MTOR: variants seen among roughly 807,000 people sequenced by gnomAD.
MTOR encodes serine/threonine-protein kinase mTOR.
Under a neutral mutation model 319.8 loss-of-function variants are expected in MTOR, and 70 were observed. The observed-to-expected ratio is 0.22, with a 90% CI of 0.18 to 0.27. MTOR has a LOEUF of 0.27. Among genes scored for constraint, MTOR ranks in the 10% least tolerant of loss-of-function variants. MTOR has a pLI of 1.00. For missense variants in MTOR, 1,890 were observed against 3,274.4 expected (o/e 0.58, Z 10.32); for synonymous variants, 1,183 against 1,211.4 (o/e 0.98, Z 0.49).
rs763691485 is a variant in MTOR, at chr1:11,238,626, A to G, written c.1787-9T>C. The G allele has an allele frequency of 1.2e-6, 2 of 1,600,220 alleles. No individual in the cohort carries two copies. Among genetic ancestry groups the G allele is most frequent in the Non-Finnish European group, 1.7e-6 (2 of 1,169,768 alleles). ...TTGGGTCAGAGAGTGGCCTGGATAG[A>G]AAGGCAGAGAGAAAACAGAATAAAC... On this transcript the variant is annotated splice_polypyrimidine_tract_variant and intron_variant, in intron 11 of 57. Coordinates refer to ENST00000361445, the MANE Select transcript of MTOR (RefSeq NM_004958.4).
intron 28 of MTOR, among the ~76,000 whole-genome samples, chr1:11,198,698 C>T (rs949383961): frequency 2.6e-5 from 4 of 152,138 alleles, no homozygotes; most frequent in South Asian, 2.1e-4. Context: ...ATTTATTAAA[C>T]GAACTATTTT....
chr1:11,248,664 T>C (rs1173653731), intron 6 of MTOR, among the ~76,000 whole-genome samples: 2 of 151,592 alleles, frequency 1.3e-5, no homozygotes. Context: ...ATACAAAAAA[T>C]TAGCTGGGCG....
rs1030042283 is a variant in MTOR, at chr1:11,192,450, C to CA, written c.4253+6807dup. 19 of 1,251,222 alleles carry CA rather than the reference C, an allele frequency of 1.5e-5. No homozygotes were observed. The African/African-American group carries it at 2.8e-4, about 19-fold the overall frequency. The allele number at this position is 1,251,222 out of a possible 1,614,324, so 77.5% of individuals were successfully genotyped here. On this transcript the variant is annotated intron_variant, in intron 28 of 57. Transcript: ENST00000361445. ...AGGGGACTACAACAACAGGGCCATT[C>CA]ACAGTTTAAAGAAAGGAAAATTCGG...
intron 19 of MTOR, among the ~76,000 whole-genome samples, chr1:11,221,179 G>A (rs1312701389): frequency 6.6e-6 from 1 of 151,900 alleles, no homozygotes; most frequent in Non-Finnish European, 1.5e-5. Flanking sequence ...ATTTTTAGTA[G>A]AGACGGGGTT....
At position 11,116,033 on chromosome 1, in the gene MTOR, G is replaced by A. The variant is rs941759137; in HGVS notation, c.7017-565C>T. Among the ~76,000 whole-genome samples the A allele has an allele frequency of 2.6e-4, 40 of 152,172 alleles. 1 individual carries two copies. Among genetic ancestry groups the A allele is most frequent in the Non-Finnish European group, 2.4e-4 (16 of 68,038 alleles). On this transcript the variant is annotated intron_variant, in intron 50 of 57. Coordinates refer to ENST00000361445, the MANE Select transcript of MTOR (RefSeq NM_004958.4). ...TTAAAAACAAAAATCTACTATTTTT[G>A]TGGGGTAAAATTATTTTTACTCTCA...
At position 11,127,506 on chromosome 1, in the gene MTOR, T is replaced by G. The variant is rs1330925319; in HGVS notation, c.6216+118A>C. The G allele has an allele frequency of 8.1e-7, 1 of 1,231,498 alleles. No homozygotes were observed. The highest frequency in any genetic ancestry group is 1.1e-6 in the Non-Finnish European group (1 of 898,406). 76.3% of individuals were successfully genotyped at this position (1,231,498 alleles called of 1,614,324 possible). On this transcript the variant is annotated intron_variant, in intron 44 of 57. Coordinates refer to ENST00000361445, the MANE Select transcript of MTOR (RefSeq NM_004958.4). The surrounding 1 kb of genome is among the most constrained non-coding windows in gnomAD (Gnocchi z 5.5). Reference sequence around the variant, plus strand: ...AGTGGAAAGGCCAGAGGAAAAGAAATCTGACAAAGGCCTTGGGTCACGTCC... The same window carrying G: ...AGTGGAAAGGCCAGAGGAAAAGAAAGCTGACAAAGGCCTTGGGTCACGTCC...
chr1:11,116,925 A>T (rs1642196954), intron 50 of MTOR, 79 bp downstream of exon 50: 2 of 1,086,664 alleles, frequency 1.8e-6, no homozygotes, highest in Non-Finnish European at 2.7e-6. Flanking sequence ...CCATATATTT[A>T]ATTGGAAAAC....
At chr1:11,135,969 T>C (rs1013699063) in intron 36 of MTOR, among the ~76,000 whole-genome samples, 2 of 151,738 alleles carry the variant, frequency 1.3e-5, no homozygotes, top group Admixed American at 6.6e-5. Context: ...ACCCCGTCTC[T>C]ACTAAAAATA....
Position 11,127,781 on chromosome 1 carries a change from G to A in MTOR, c.6059C>T (p.Ala2020Val), listed in dbSNP as rs1642914683. The stretch of plus-strand genomic sequence containing the variant: ...ATGCCACATCTCATGCCAGAGGATG[G>A]CCACTCGGATCAGCTCCTCGCTCAC... ...MMVSEELIRVAILWHEMWHEG... is the reference protein window; with the variant it reads ...MMVSEELIRVVILWHEMWHEG... Residue 2020 changes from alanine (A) to valine (V), a missense_variant, in exon 44 of 58, where the codon GCC becomes GTC. By Grantham distance (64) the Ala-to-Val change is moderately conservative (BLOSUM62 0). This residue lies in a region of MTOR where 249 missense variants were observed against 596.2 expected (regional missense o/e 0.42). Coordinates refer to ENST00000361445, the MANE Select transcript of MTOR (RefSeq NM_004958.4). The surrounding 1 kb of genome is among the most constrained non-coding windows in gnomAD (Gnocchi z 5.5). The A allele has an allele frequency of 6.2e-7, 1 of 1,613,496 alleles. No homozygotes were observed. Among genetic ancestry groups the A allele is most frequent in the Non-Finnish European group, 8.5e-7 (1 of 1,179,886 alleles).
At chr1:11,157,036 G>T in intron 30 of MTOR, 116 bp downstream of exon 30, 2 of 1,314,080 alleles carry the variant, frequency 1.5e-6, no homozygotes, top group South Asian at 1.5e-5. Context: ...GTATCAAGTG[G>T]AACAAAATGA....
rs1642097250 is a variant in MTOR at position 11,115,124 on chromosome 1, A to G, written c.7090-237T>C. Among the ~76,000 whole-genome samples the G allele has an allele frequency of 6.6e-6, 1 of 152,144 alleles. No individual in the cohort carries two copies. The highest frequency in any genetic ancestry group is 2.1e-4 in the South Asian group (1 of 4,822). ...CAAAAAGGAAAAAAGACAAATGTGCATCGTGTCCAGGCTCTTGGGCAACAG... is the reference window on the plus strand; with the variant it reads ...CAAAAAGGAAAAAAGACAAATGTGCGTCGTGTCCAGGCTCTTGGGCAACAG... On this transcript the variant is annotated intron_variant, in intron 51 of 57. Coordinates refer to ENST00000361445, the MANE Select transcript of MTOR (RefSeq NM_004958.4). This position sits in a 1 kb window ranked among gnomAD's most constrained non-coding sequence, Gnocchi z 4.5.
chr1:11,119,314 C>T (rs1481240824), intron 49 of MTOR, among the ~76,000 whole-genome samples: 1 of 151,820 alleles, frequency 6.6e-6, no homozygotes, highest in Non-Finnish European at 1.5e-5. Context: ...CGCCTGTAAT[C>T]CCAGCACTTT....
chr1:11,204,086 G>A (rs1434127733), intron 26 of MTOR, among the ~76,000 whole-genome samples: 2 of 152,146 alleles, frequency 1.3e-5, no homozygotes, highest in South Asian at 2.1e-4. Context: ...CCTTGAATGC[G>A]GATCCTCCAT....
At chr1:11,135,922 G>A (rs1643393961) in intron 36 of MTOR, among the ~76,000 whole-genome samples, 1 of 151,588 alleles carries the variant, frequency 6.6e-6, no homozygotes, top group African/African-American at 2.4e-5. Context: ...ATCACCTGAG[G>A]TCAGGAGTTC....
intron 30 of MTOR, among the ~76,000 whole-genome samples, chr1:11,155,150 TAAACAA>T: frequency 6.6e-6 from 1 of 152,188 alleles, no homozygotes; most frequent in Non-Finnish European, 1.5e-5. Context: ...AGGAAATGTC[TAAACAA>T]ATAAAAATTT....
At chr1:11,167,026 A>G (rs1056246679) in intron 29 of MTOR, among the ~76,000 whole-genome samples, 6 of 152,312 alleles carry the variant, frequency 3.9e-5, no homozygotes, top group South Asian at 2.1e-4. Context: ...GTTCTCACTC[A>G]TAGGTGGGAA....
At chr1:11,260,821 G>C (rs1303827831) in intron 1 of MTOR, among the ~76,000 whole-genome samples, 1 of 140,068 alleles carries the variant, frequency 7.1e-6, no homozygotes, top group African/African-American at 2.7e-5. Flanking sequence ...ACAGAGTCTC[G>C]CTCTGTCACC....
intron 34 of MTOR, chr1:11,144,436 A>G (rs1482550165): frequency 3.8e-6 from 2 of 524,392 alleles, no homozygotes; most frequent in Non-Finnish European, 6.8e-6. Flanking sequence ...AGAAGAGAAT[A>G]AGAAGAGACT....
chr1:11,189,675 C>T, intron 28 of MTOR: 2 of 1,614,188 alleles, frequency 1.2e-6, no homozygotes, highest in South Asian at 1.1e-5. Context: ...TCTCTAAGCA[C>T]AAGACACCAG....
Sources: allele counts gnomAD v4.1 joint callset (sites outside exome capture counted in the v4.1 genomes callset), GRCh38; gene constraint gnomAD v4.1.1; regional missense constraint gnomAD v4.1.1; non-coding constraint Gnocchi (gnomAD v3.1); transcripts MANE v1.5; gene names NCBI Gene and HGNC (gene_info 2026-07-23, HGNC 2026-07-21).